Variants in L3MBTL3 observed in about 807,000 individuals in gnomAD.
The protein encoded by L3MBTL3 is L3MBTL histone methyl-lysine binding protein 3, also known as lethal(3)malignant brain tumor-like protein 3.
L3MBTL3 carries 27 observed loss-of-function variants against 102.3 expected under a neutral mutation model. The ratio of observed to expected loss-of-function variants is 0.26; its 90% CI spans 0.19 to 0.36. The LOEUF is 0.36. Among genes scored for constraint, L3MBTL3 ranks in the 10% least tolerant of loss-of-function variants. The pLI is 1.00. For synonymous variants in L3MBTL3, 340 were observed against 320.9 expected (o/e 1.06, Z -0.64); for missense variants, 798 against 955.3 (o/e 0.84, Z 2.17).
intron 11 of L3MBTL3, among the ~76,000 whole-genome samples, chr6:130,067,518 C>CT (rs1261174628): frequency 2.6e-5 from 4 of 152,134 alleles, no homozygotes; most frequent in Non-Finnish European, 5.9e-5. Flanking sequence ...TGTCTCAGGG[C>CT]TTTAATGCAT....
intron 2 of L3MBTL3, among the ~76,000 whole-genome samples, chr6:130,024,811 A>G (rs1314546473): frequency 6.6e-6 from 1 of 152,130 alleles, no homozygotes; most frequent in Non-Finnish European, 1.5e-5. Flanking sequence ...GACTAGACAT[A>G]ATGAGCTCTT....
intron 2 of L3MBTL3, among the ~76,000 whole-genome samples, chr6:130,023,207 A>C (rs1180738376): frequency 6.6e-6 from 1 of 152,222 alleles, no homozygotes; most frequent in Non-Finnish European, 1.5e-5. Context: ...CAGAACTAAC[A>C]ACCTTCATTG....
intron 3 of L3MBTL3, among the ~76,000 whole-genome samples, chr6:130,043,019 T>C (rs1180423717): frequency 6.6e-6 from 1 of 152,228 alleles, no homozygotes; most frequent in East Asian, 1.9e-4. Context: ...TAAGGAATGT[T>C]TCTGCAGTAT....
At chr6:130,035,527 A>T (rs545736765) in intron 2 of L3MBTL3, among the ~76,000 whole-genome samples, 4 of 152,300 alleles carry the variant, frequency 2.6e-5, no homozygotes, top group African/African-American at 9.6e-5. Context: ...ATTGTAATAA[A>T]AGCAAATTGT....
chr6:130,124,113 C>T (rs934997915), intron 20 of L3MBTL3, among the ~76,000 whole-genome samples: 3 of 152,120 alleles, frequency 2.0e-5, no homozygotes, highest in African/African-American at 4.8e-5. Context: ...GTGCAGGTGG[C>T]GGTTCGGAGT....
intron 2 of L3MBTL3, among the ~76,000 whole-genome samples, chr6:130,029,815 C>T (rs1003534633): frequency 6.6e-5 from 10 of 152,090 alleles, no homozygotes; most frequent in African/African-American, 2.4e-4. Flanking sequence ...CCCTCCCCTC[C>T]CCTGCCCTGC....
Position 130,092,857 on chromosome 6 carries a change from T to C in L3MBTL3, c.1631T>C (p.Leu544Ser). ...ACAGGACATCCCCTTCAGCCTCCTT[T>C]GAGTAAGAGACACGAATAGCTTGTA... ...SKTGHPLQPP[L>S]SPLELMEASE... The change falls in exon 17 of 23, where the codon TTG (leucine) becomes TCG (serine). Residue 544 changes from leucine (L) to serine (S), a missense_variant and splice_region_variant. Coordinates refer to ENST00000361794, the MANE Select transcript of L3MBTL3 (RefSeq NM_032438.4). 6.4e-7 allele frequency: 1 copy of C among 1,552,920 alleles called. No homozygotes were observed. Among genetic ancestry groups the C allele is most frequent in the Non-Finnish European group, 8.9e-7 (1 of 1,124,524 alleles).
intron 13 of L3MBTL3, among the ~76,000 whole-genome samples, chr6:130,078,060 A>G (rs774987787): frequency 6.6e-6 from 1 of 152,186 alleles, no homozygotes; most frequent in Non-Finnish European, 1.5e-5. Flanking sequence ...AGAGGTAAAG[A>G]AAAGAGAGTA....
chr6:130,122,808 G>A (rs1786324921), intron 20 of L3MBTL3, among the ~76,000 whole-genome samples: 1 of 152,134 alleles, frequency 6.6e-6, no homozygotes, highest in South Asian at 2.1e-4. Context: ...GCTAGCTCTG[G>A]GCAAAGTACC....
intron 2 of L3MBTL3, among the ~76,000 whole-genome samples, chr6:130,042,106 A>G (rs1051886454): frequency 4.6e-5 from 7 of 152,230 alleles, no homozygotes; most frequent in African/African-American, 1.2e-4. Context: ...GAACAACAGT[A>G]TCAATACCAC....
chr6:130,132,343 G>A (rs1345652622), intron 20 of L3MBTL3, among the ~76,000 whole-genome samples: 1 of 152,218 alleles, frequency 6.6e-6, no homozygotes, highest in African/African-American at 2.4e-5. Context: ...ACCCTTGACA[G>A]ATGAGGTGCG....
At chr6:130,101,719 C>T (rs534512257) in intron 18 of L3MBTL3, among the ~76,000 whole-genome samples, 4 of 152,318 alleles carry the variant, frequency 2.6e-5, no homozygotes, top group South Asian at 4.1e-4. Context: ...ACCCTGCTTC[C>T]TACCCAACCC....
At chr6:130,033,774 A>C (rs1020358846) in intron 2 of L3MBTL3, among the ~76,000 whole-genome samples, 10 of 152,240 alleles carry the variant, frequency 6.6e-5, no homozygotes, top group Admixed American at 6.5e-4. Context: ...TTAACTATGA[A>C]GCTATAAAAT....
At chr6:130,096,702 C>T (rs1784383835) in intron 18 of L3MBTL3, among the ~76,000 whole-genome samples, 1 of 152,154 alleles carries the variant, frequency 6.6e-6, no homozygotes, top group Admixed American at 6.6e-5. Flanking sequence ...CTCAGCTGGG[C>T]CACACCCATT....
chr6:130,055,396 T>C (rs973801456), intron 8 of L3MBTL3, 141 bp downstream of exon 8: 1 of 645,460 alleles, frequency 1.5e-6, no homozygotes, highest in Admixed American at 3.2e-5. Flanking sequence ...GATTTGAGAT[T>C]TTGAGGATAA....
At chr6:130,108,307 T>G (rs1289691821) in intron 19 of L3MBTL3, among the ~76,000 whole-genome samples, 1 of 143,532 alleles carries the variant, frequency 7.0e-6, no homozygotes, top group African/African-American at 2.5e-5. Flanking sequence ...TGATCTTGGC[T>G]CACTGCAACC....
chr6:130,107,488 A>G (rs1391242797), intron 19 of L3MBTL3, among the ~76,000 whole-genome samples: 2 of 152,346 alleles, frequency 1.3e-5, no homozygotes, highest in Non-Finnish European at 2.9e-5. Context: ...AGAGGTAGCA[A>G]GTAATCTCAT....
chr6:130,119,802 A>T (rs1027597008), intron 19 of L3MBTL3, among the ~76,000 whole-genome samples: 1 of 152,202 alleles, frequency 6.6e-6, no homozygotes, highest in East Asian at 1.9e-4. Context: ...TAAACAATAC[A>T]TAATTTAAAA....
At chr6:130,096,214 C>G (rs912328703) in intron 18 of L3MBTL3, among the ~76,000 whole-genome samples, 20 of 152,166 alleles carry the variant, frequency 1.3e-4, no homozygotes, top group African/African-American at 4.8e-4. Flanking sequence ...CTGGACCACT[C>G]CCCTCTAATG....
Sources: gnomAD v4.1 joint callset for allele counts (sites outside exome capture counted in the v4.1 genomes callset) on GRCh38, gnomAD v4.1.1 for gene constraint, MANE v1.5 for transcripts, NCBI Gene and HGNC (gene_info 2026-07-23, HGNC 2026-07-21) for gene names.